MPRIP: variants seen among roughly 807,000 people sequenced by gnomAD.
MPRIP encodes myosin phosphatase Rho interacting protein, also known as myosin phosphatase Rho-interacting protein.
Under a neutral mutation model 234.9 loss-of-function variants are expected in MPRIP, and 59 were observed. The ratio of observed to expected loss-of-function variants is 0.25; its 90% CI spans 0.20 to 0.31. The LOEUF (loss-of-function observed/expected upper bound fraction) is 0.31. MPRIP is among the 10% of genes least tolerant of loss of function. MPRIP has a pLI of 1.00. For synonymous variants in MPRIP, 1,144 were observed against 1,263.9 expected (o/e 0.91, Z 2.01); for missense variants, 2,436 against 3,071.0 (o/e 0.79, Z 4.89).
intron 1 of MPRIP, among the ~76,000 whole-genome samples, chr17:17,045,837 G>A (rs1416397289): frequency 1.4e-5 from 2 of 144,698 alleles, no homozygotes; most frequent in African/African-American, 2.6e-5. Context: ...GCGGAGTCTC[G>A]CTCTGTTGCC....
chr17:17,051,300 C>T (rs186264282), intron 1 of MPRIP, among the ~76,000 whole-genome samples: 21 of 152,208 alleles, frequency 1.4e-4, no homozygotes, highest in African/African-American at 3.6e-4. Context: ...AGTGTGGCAG[C>T]GAGGCACAGG....
chr17:17,136,575 C>G, intron 6 of MPRIP, 125 bp downstream of exon 6: 1 of 924,294 alleles, frequency 1.1e-6, no homozygotes, highest in Non-Finnish European at 1.6e-6. Flanking sequence ...TTCCCTTTGT[C>G]CATCAGCCCT....
chr17:17,164,856 C>T lies in MPRIP; in HGVS notation c.3265C>T (p.Arg1089Ter), dbSNP rs2045948267. 4 of 1,303,890 alleles carry T rather than the reference C, an allele frequency of 3.1e-6. No individual in the cohort carries two copies. Among genetic ancestry groups the T allele is most frequent in the African/African-American group, 1.5e-5 (1 of 65,878 alleles). The allele number at this position is 1,303,890 out of a possible 1,614,324, so 80.8% of individuals were successfully genotyped here. Reference protein sequence around the residue: ...VHQLEEQLEAREASVRRLAEH... With the variant: ...VHQLEEQLEA ...CCAGCTGGAGGAGCAGCTGGAGGCACGAGAGGCCAGCGTGCGCAGGCTCGC... is the reference window on the plus strand; with the variant it reads ...CCAGCTGGAGGAGCAGCTGGAGGCATGAGAGGCCAGCGTGCGCAGGCTCGC... Residue 1089 changes from arginine (R) to a stop codon, truncating the protein, a stop_gained, in exon 16 of 24, where the codon CGA (arginine) becomes TGA (stop). Transcript: ENST00000651222. LOFTEE classifies it high-confidence loss of function.
In MPRIP at chr17:17,166,342, A is replaced by G; in HGVS notation, c.4751A>G (p.Lys1584Arg). Residue 1584 changes from lysine (K) to arginine (R), a missense_variant, in exon 16 of 24, where the codon AAG becomes AGG. Around this residue, in one of 4 missense-constraint regions of MPRIP, gnomAD observed 1,998 missense variants for 2,520.3 expected, o/e 0.79. Coordinates refer to ENST00000651222, the MANE Select transcript of MPRIP (RefSeq NM_001364716.4). The surrounding 1 kb of genome is among the most constrained non-coding windows in gnomAD (Gnocchi z 4.4). Reference sequence around the variant, plus strand: ...ATCAGCCAGATAGCAGATTCCCTGAAGAACACAACATCAGATGTCTCCCGA... The same window carrying G: ...ATCAGCCAGATAGCAGATTCCCTGAGGAACACAACATCAGATGTCTCCCGA... ...SLISQIADSLKNTTSDVSRML... is the reference protein window; with the variant it reads ...SLISQIADSLRNTTSDVSRML... 1 of 1,304,594 alleles carries G rather than the reference A, an allele frequency of 7.7e-7. No homozygotes were observed. The highest frequency in any genetic ancestry group is 1.0e-6 in the Non-Finnish European group (1 of 989,032). The allele number at this position is 1,304,594 out of a possible 1,614,324, so 80.8% of individuals were successfully genotyped here.
At position 17,186,060 on chromosome 17, in the gene MPRIP, C is replaced by G. The variant is rs1309132797; in HGVS notation, c.*1166C>G. On this transcript the variant is annotated 3_prime_UTR_variant, in exon 24 of 24. Transcript: ENST00000651222. ...ACATTCTATGGCAATTCTTGAAAAT[C>G]TCTTAAATTGGAGTCTATTATGGCC... is the stretch of plus-strand genomic sequence containing the variant. The G allele has an allele frequency of 2.6e-5, 4 of 154,256 alleles. No individual in the cohort carries two copies. The highest frequency in any genetic ancestry group is 6.5e-5 in the Admixed American group (1 of 15,416). The allele number at this position is 154,256 out of a possible 1,614,324, so 9.6% of individuals were successfully genotyped here. A position where few individuals can be genotyped will look rare whatever the true frequency, so the allele number is the denominator to read the frequency against.
Position 17,165,167 on chromosome 17 carries a change from G to T in MPRIP, c.3576G>T (p.Leu1192Phe), listed in dbSNP as rs1239756985. ...EKKEQDLNEA[L>F]VKMVALGSSL... ...AGGAGCAGGACCTCAATGAGGCTTT[G>T]GTTAAAATGGTTGCCTTGGGGAGCA... Residue 1192 changes from leucine (L) to phenylalanine (F), a missense_variant, in exon 16 of 24, where the codon TTG becomes TTT. By Grantham distance (22) the Leu-to-Phe change is conservative. Around this residue, in one of 4 missense-constraint regions of MPRIP, gnomAD observed 1,998 missense variants for 2,520.3 expected, o/e 0.79. Coordinates refer to ENST00000651222, the MANE Select transcript of MPRIP (RefSeq NM_001364716.4). 7.7e-7 allele frequency: 1 copy of T among 1,304,230 alleles called. No homozygotes were observed. The allele number at this position is 1,304,230 out of a possible 1,614,324, so 80.8% of individuals were successfully genotyped here. A position where few individuals can be genotyped will look rare whatever the true frequency, so the allele number is the denominator to read the frequency against.
chr17:17,045,545 C>G (rs2088319353), intron 1 of MPRIP, among the ~76,000 whole-genome samples: 1 of 152,202 alleles, frequency 6.6e-6, no homozygotes, highest in African/African-American at 2.4e-5. Context: ...TACTCCTGTT[C>G]AGGGTCTACA....
chr17:17,154,567 G>C (rs774723157), intron 13 of MPRIP, 152 bp downstream of exon 13: 1 of 653,090 alleles, frequency 1.5e-6, no homozygotes, highest in East Asian at 2.7e-5. Flanking sequence ...CTGTTGCTCA[G>C]GTTCCTGTCC....
intron 10 of MPRIP, among the ~76,000 whole-genome samples, chr17:17,146,446 T>C (rs2144530490): frequency 6.6e-6 from 1 of 152,346 alleles, no homozygotes; most frequent in African/African-American, 2.4e-5. Context: ...AGAAACTCTC[T>C]GGCTGTGGGA....
chr17:17,147,939 A>G (rs1410612445), intron 11 of MPRIP, among the ~76,000 whole-genome samples: 1 of 152,160 alleles, frequency 6.6e-6, no homozygotes, highest in Non-Finnish European at 1.5e-5. Context: ...ACCTCTTCTA[A>G]ACAGTTTGGC....
In MPRIP at chr17:17,166,300, C is replaced by T. The variant is rs1201308036; in HGVS notation, c.4709C>T (p.Ala1570Val). 3.8e-6 allele frequency: 5 copies of T among 1,304,408 alleles called. No homozygotes were observed. The African/African-American group carries it at 6.1e-5, about 16-fold the overall frequency. 80.8% of individuals were successfully genotyped at this position (1,304,408 alleles called of 1,614,324 possible). Residue 1570 changes from alanine (A) to valine (V), a missense_variant, in exon 16 of 24, where the codon GCT (alanine) becomes GTT (valine). This residue lies in a region of MPRIP where 1,998 missense variants were observed against 2,520.3 expected (regional missense o/e 0.79). Transcript: ENST00000651222. This position sits in a 1 kb window ranked among gnomAD's most constrained non-coding sequence, Gnocchi z 4.4. ...EQVRLLSDQI[A>V]LEASLISQIA... ...GTGAGGCTTCTTTCTGACCAGATTG[C>T]TCTGGAGGCCTCGCTGATCAGCCAG...
intron 3 of MPRIP, among the ~76,000 whole-genome samples, chr17:17,123,698 C>T (rs1433055759): frequency 7.2e-5 from 8 of 111,394 alleles, no homozygotes; most frequent in African/African-American, 1.2e-4. Context: ...AGCGAGACTT[C>T]GTCTCAAAAA....
At chr17:17,084,068 T>C (rs1054685514) in intron 3 of MPRIP, among the ~76,000 whole-genome samples, 5 of 152,208 alleles carry the variant, frequency 3.3e-5, no homozygotes, top group African/African-American at 1.2e-4. Context: ...TTGTTTCCTC[T>C]AGCTCGGAGC....
rs538991936 is a variant in MPRIP at position 17,154,678 on chromosome 17, T to C, written c.1829+263T>C. ...GCTGGTCATTAGAACTGGGCTTTGG[T>C]GGAGAATCTTCCATCTGTGTCAGCA... On this transcript the variant is annotated intron_variant, in intron 13 of 23. Transcript: ENST00000651222. Among the ~76,000 whole-genome samples the C allele has an allele frequency of 7.9e-5, 12 of 152,364 alleles. No individual in the cohort carries two copies. In the South Asian group the frequency reaches 2.5e-3, roughly 32 times the overall value.
At chr17:17,049,727 A>C (rs904596290) in intron 1 of MPRIP, among the ~76,000 whole-genome samples, 1 of 152,220 alleles carries the variant, frequency 6.6e-6, no homozygotes, top group Non-Finnish European at 1.5e-5. Context: ...GGATATAGCC[A>C]CTTAAAAATG....
chr17:17,109,840 A>C (rs1263031275), intron 3 of MPRIP, among the ~76,000 whole-genome samples: 1 of 152,216 alleles, frequency 6.6e-6, no homozygotes, highest in Non-Finnish European at 1.5e-5. Context: ...ACAGGTGCAC[A>C]TGCGGATGGG....
chr17:17,123,028 T>C (rs1464098936), intron 3 of MPRIP, among the ~76,000 whole-genome samples: 2 of 152,258 alleles, frequency 1.3e-5, no homozygotes, highest in Non-Finnish European at 2.9e-5. Context: ...TGGAACGTTA[T>C]TCAGCTGTAA....
rs1172042798 is a variant in MPRIP, at chr17:17,138,806, A to C, written c.1250+377A>C. 6.6e-6 allele frequency among the ~76,000 whole-genome samples: 1 copy of C among 152,142 alleles called. No homozygotes were observed. The highest frequency in any genetic ancestry group is 2.4e-5 in the African/African-American group (1 of 41,436). On this transcript the variant is annotated intron_variant, in intron 7 of 23. Transcript: ENST00000651222. The surrounding 1 kb of genome is among the most constrained non-coding windows in gnomAD (Gnocchi z 5.8). ...GGAGGCAGGGAGTCCCTAGAGCTACATGTGGTGACAGAGGCGCTCCTCACC... is the reference window on the plus strand; with the variant it reads ...GGAGGCAGGGAGTCCCTAGAGCTACCTGTGGTGACAGAGGCGCTCCTCACC...
intron 3 of MPRIP, among the ~76,000 whole-genome samples, chr17:17,106,849 A>G (rs1031630694): frequency 2.6e-5 from 4 of 152,244 alleles, no homozygotes; most frequent in African/African-American, 4.8e-5. Flanking sequence ...CAAAGCTCCC[A>G]TAACAAGTTG....
Sources: allele counts gnomAD v4.1 joint callset (sites outside exome capture counted in the v4.1 genomes callset), GRCh38; gene constraint gnomAD v4.1.1; regional missense constraint gnomAD v4.1.1; non-coding constraint Gnocchi (gnomAD v3.1); transcripts MANE v1.5; gene names NCBI Gene and HGNC (gene_info 2026-07-23, HGNC 2026-07-21).